PRKN: variants seen among roughly 807,000 people sequenced by gnomAD.
PRKN encodes the protein E3 ubiquitin-protein ligase parkin.
Under a neutral mutation model 59.5 loss-of-function variants are expected in PRKN, and 56 were observed. The ratio of observed to expected loss-of-function variants is 0.94; its 90% CI spans 0.76 to 1.18. The LOEUF (loss-of-function observed/expected upper bound fraction) is 1.18, where lower values mean the gene tolerates loss of function less well. Among genes scored for constraint, PRKN ranks in the 50% most tolerant of loss-of-function variants. The pLI, the probability that PRKN is intolerant of heterozygous loss-of-function variation, is 0.00. For missense variants in PRKN, 657 were observed against 596.4 expected (o/e 1.10, Z -1.06); for synonymous variants, 250 against 222.1 (o/e 1.13, Z -1.12).
At chr6:161,923,145 A>G (rs2128239346) in intron 6 of PRKN, among the ~76,000 whole-genome samples, 1 of 152,334 alleles carries the variant, frequency 6.6e-6, no homozygotes, top group East Asian at 1.9e-4. Context: ...TCCATAGCAT[A>G]CAATCCTCCA....
intron 2 of PRKN, among the ~76,000 whole-genome samples, chr6:162,316,776 G>A (rs137983101): frequency 4.5e-4 from 68 of 152,036 alleles, no homozygotes; most frequent in Admixed American, 2.6e-3. Context: ...ACATGAATAC[G>A]ACCTCATTCC....
At chr6:161,381,870 C>T (rs1582998478) in intron 10 of PRKN, among the ~76,000 whole-genome samples, 1 of 151,950 alleles carries the variant, frequency 6.6e-6, no homozygotes, top group Middle Eastern at 3.4e-3. Context: ...CCCAGCACTT[C>T]GGGAGGCCAA....
chr6:161,578,995 G>T lies in PRKN; in HGVS notation c.872-9579C>A, dbSNP rs1000863685. 6.6e-6 allele frequency among the ~76,000 whole-genome samples: 1 copy of T among 152,202 alleles called. No homozygotes were observed. The highest frequency in any genetic ancestry group is 6.5e-5 in the Admixed American group (1 of 15,284). On this transcript the variant is annotated intron_variant, in intron 7 of 11. Coordinates refer to ENST00000366898, the MANE Select transcript of PRKN (RefSeq NM_004562.3). The surrounding 1 kb of genome is among the most constrained non-coding windows in gnomAD (Gnocchi z 4.2). ...TGTTTTCAACATCCAGCATCCCTCA[G>T]ATCACAAATTTAATTTGGCTGGTCA...
In PRKN at chr6:162,376,486, C is replaced by A. The variant is rs957514175; in HGVS notation, c.171+66824G>T. On this transcript the variant is annotated intron_variant, in intron 2 of 11. Transcript: ENST00000366898. ...CAGGGTATTCCTGCTGTACACGCAG[C>A]CACTGTGCAAAGATGACCCTACTCT... 5.9e-5 allele frequency among the ~76,000 whole-genome samples: 9 copies of A among 151,696 alleles called. No individual in the cohort carries two copies. In the South Asian group the frequency reaches 8.4e-4, roughly 14 times the overall value.
rs114850767 is a variant in PRKN, at chr6:161,397,777, G to A, written c.1084-10900C>T. On this transcript the variant is annotated intron_variant, in intron 9 of 11. Transcript: ENST00000366898. This position sits in a 1 kb window ranked among gnomAD's most constrained non-coding sequence, Gnocchi z 4.2. Reference sequence around the variant, plus strand: ...CACAGTGCTGAGGAAACCCAGTACTGAGAATGGAGAGGTCAATCCTGAGTA... The same window carrying A: ...CACAGTGCTGAGGAAACCCAGTACTAAGAATGGAGAGGTCAATCCTGAGTA... 2.0e-3 allele frequency among the ~76,000 whole-genome samples: 307 copies of A among 152,308 alleles called. 2 individuals carry two copies. Among genetic ancestry groups the A allele is most frequent in the African/African-American group, 7.0e-3 (291 of 41,552 alleles).
intron 7 of PRKN, among the ~76,000 whole-genome samples, chr6:161,590,369 G>T (rs1781673813): frequency 6.6e-6 from 1 of 151,866 alleles, no homozygotes; most frequent in South Asian, 2.1e-4. Flanking sequence ...AGGCCGAGGT[G>T]GGTGGATCAG....
intron 4 of PRKN, among the ~76,000 whole-genome samples, chr6:162,166,618 T>A (rs530638664): frequency 1.3e-5 from 2 of 152,306 alleles, no homozygotes; most frequent in East Asian, 3.9e-4. Flanking sequence ...TCCAACTCAC[T>A]TTAAAACTCA....
intron 1 of PRKN, among the ~76,000 whole-genome samples, chr6:162,456,391 A>G (rs1790874098): frequency 6.6e-6 from 1 of 152,154 alleles, no homozygotes; most frequent in Non-Finnish European, 1.5e-5. Flanking sequence ...ATATATATTT[A>G]TATTTTTAAG....
At chr6:162,254,288 C>A (rs1432706575) in intron 3 of PRKN, among the ~76,000 whole-genome samples, 1 of 151,884 alleles carries the variant, frequency 6.6e-6, no homozygotes, top group Admixed American at 6.6e-5. Flanking sequence ...AAAACCCTGT[C>A]TCTATTAAAA....
intron 7 of PRKN, among the ~76,000 whole-genome samples, chr6:161,654,739 T>C (rs1784276098): frequency 6.6e-6 from 1 of 152,166 alleles, no homozygotes; most frequent in Non-Finnish European, 1.5e-5. Flanking sequence ...AGCATGGTGG[T>C]GGCGAAAGGT....
chr6:161,576,832 G>A lies in PRKN; in HGVS notation c.872-7416C>T, dbSNP rs1214877762. On this transcript the variant is annotated intron_variant, in intron 7 of 11. Coordinates refer to ENST00000366898, the MANE Select transcript of PRKN (RefSeq NM_004562.3). This position sits in a 1 kb window ranked among gnomAD's most constrained non-coding sequence, Gnocchi z 4.6. The stretch of plus-strand genomic sequence containing the variant: ...AGATTTTTAGGAATTGAGTTAATAT[G>A]AGTTAGCTAGAGTGAAATGTATCAA... 1.3e-5 allele frequency among the ~76,000 whole-genome samples: 2 copies of A among 152,170 alleles called. No individual in the cohort carries two copies. The highest frequency in any genetic ancestry group is 3.8e-4 in the East Asian group (2 of 5,198).
At chr6:161,851,942 C>G (rs1308099380) in intron 6 of PRKN, among the ~76,000 whole-genome samples, 1 of 151,232 alleles carries the variant, frequency 6.6e-6, no homozygotes, top group Non-Finnish European at 1.5e-5. Flanking sequence ...CAAAAATTAG[C>G]CGGGCGTGGT....
At chr6:162,528,362 G>A (rs1321524808) in intron 1 of PRKN, among the ~76,000 whole-genome samples, 2 of 151,286 alleles carry the variant, frequency 1.3e-5, no homozygotes, top group Non-Finnish European at 2.9e-5. Flanking sequence ...CAAACAGGAA[G>A]TACAAGGCAG....
intron 2 of PRKN, among the ~76,000 whole-genome samples, chr6:162,406,358 A>G (rs1008701332): frequency 1.2e-4 from 19 of 152,322 alleles, no homozygotes; most frequent in South Asian, 2.1e-4. Flanking sequence ...CTGCATGAAC[A>G]GTACTCTTAC....
intron 7 of PRKN, among the ~76,000 whole-genome samples, chr6:161,750,098 C>CATATATAT (rs72125109): frequency 0.032 from 4,660 of 144,966 alleles, 94 homozygotes; most frequent in Middle Eastern, 0.047. Context: ...ACACATAGGA[C>CATATATAT]ATATATATAT....
At chr6:162,234,804 G>A (rs1377551491) in intron 3 of PRKN, among the ~76,000 whole-genome samples, 1 of 152,200 alleles carries the variant, frequency 6.6e-6, no homozygotes, top group Non-Finnish European at 1.5e-5. Context: ...GTTATCACTT[G>A]AAGAGCTGTC....
chr6:161,700,131 C>CGAA (rs1786192850), intron 7 of PRKN, among the ~76,000 whole-genome samples: 4 of 151,940 alleles, frequency 2.6e-5, no homozygotes, highest in African/African-American at 9.7e-5. Flanking sequence ...AACATCTTTT[C>CGAA]CATCTTCTTT....
chr6:162,013,906 A>T (rs892914097), intron 5 of PRKN, among the ~76,000 whole-genome samples: 2 of 152,114 alleles, frequency 1.3e-5, no homozygotes, highest in Non-Finnish European at 2.9e-5. Context: ...TATTTGAAAT[A>T]CTATTAAGTT....
intron 6 of PRKN, among the ~76,000 whole-genome samples, chr6:161,899,585 T>C (rs1270813850): frequency 6.6e-6 from 1 of 152,216 alleles, no homozygotes; most frequent in Non-Finnish European, 1.5e-5. Context: ...TAGCACATCC[T>C]ACCTTTATAA....
Sources: allele counts gnomAD v4.1 joint callset (sites outside exome capture counted in the v4.1 genomes callset), GRCh38; gene constraint gnomAD v4.1.1; non-coding constraint Gnocchi (gnomAD v3.1); transcripts MANE v1.5; gene names NCBI Gene and HGNC (gene_info 2026-07-23, HGNC 2026-07-21).